MTHFD1L: variants seen among roughly 807,000 people sequenced by gnomAD.
MTHFD1L encodes methylenetetrahydrofolate dehydrogenase (NADP+ dependent) 1 like, also known as monofunctional C1-tetrahydrofolate synthase, mitochondrial.
In MTHFD1L, 81 loss-of-function variants were observed where a neutral mutation model predicts 119.5. The ratio of observed to expected loss-of-function variants is 0.68; its 90% CI spans 0.57 to 0.82. The LOEUF (loss-of-function observed/expected upper bound fraction) is 0.82. MTHFD1L is among the 40% of genes least tolerant of loss of function. MTHFD1L has a pLI of 0.00. For missense variants in MTHFD1L, 1,125 were observed against 1,253.4 expected, an observed-to-expected ratio of 0.90 and a Z score of 1.55; for synonymous variants, 430 against 475.2, an observed-to-expected ratio of 0.90 and a Z score of 1.24.
chr6:151,077,524 G>A (rs752089599), intron 26 of MTHFD1L, among the ~76,000 whole-genome samples: 18 of 152,168 alleles, frequency 1.2e-4, no homozygotes, highest in Non-Finnish European at 7.4e-5. Flanking sequence ...CAGCAAGGGG[G>A]ATGGTTTTTT....
At chr6:151,057,408 A>G (rs1412339102) in intron 26 of MTHFD1L, 1 of 922,390 alleles carries the variant, frequency 1.1e-6, no homozygotes, top group Admixed American at 6.2e-5. Context: ...TGGGAGGCTG[A>G]GGTGGGTGGA....
intron 11 of MTHFD1L, among the ~76,000 whole-genome samples, chr6:150,933,583 G>A (rs2128928946): frequency 6.6e-6 from 1 of 152,180 alleles, no homozygotes; most frequent in Admixed American, 6.5e-5. Flanking sequence ...TCTCCATGCA[G>A]CGGTGTCAGG....
chr6:150,965,462 C>G (rs1174311058), intron 19 of MTHFD1L, among the ~76,000 whole-genome samples: 1 of 151,930 alleles, frequency 6.6e-6, no homozygotes, highest in African/African-American at 2.4e-5. Context: ...AGTTCAAGAC[C>G]GGCCTGACCA....
At chr6:151,085,637 G>C (rs1016624899) in intron 26 of MTHFD1L, among the ~76,000 whole-genome samples, 1 of 152,160 alleles carries the variant, frequency 6.6e-6, no homozygotes, top group African/African-American at 2.4e-5. Flanking sequence ...TGGCCATGGT[G>C]GTGGGTGCCT....
chr6:150,874,361 C>G lies in MTHFD1L; in HGVS notation c.228-1729C>G, dbSNP rs186975261. On this transcript the variant is annotated intron_variant, in intron 1 of 27. Transcript: ENST00000367321. ...CCAGCTGGCAGTAGAAAGACTGGTC[C>G]TGGTTGTGAATCTGAGCAGCTCTCT... Among the ~76,000 whole-genome samples, 37 of 152,314 alleles carry G rather than the reference C, an allele frequency of 2.4e-4. No homozygotes were observed. The South Asian group carries it at 6.2e-3, about 26-fold the overall frequency.
intron 26 of MTHFD1L, among the ~76,000 whole-genome samples, chr6:151,055,282 T>G (rs1289612794): frequency 6.6e-6 from 1 of 151,566 alleles, no homozygotes; most frequent in African/African-American, 2.4e-5. Context: ...AAAAAAAACT[T>G]AACTAGAACA....
At chr6:150,970,237 G>C (rs1166618306) in intron 19 of MTHFD1L, among the ~76,000 whole-genome samples, 1 of 152,196 alleles carries the variant, frequency 6.6e-6, no homozygotes, top group Admixed American at 6.5e-5. Context: ...CTCCCCATCA[G>C]ACCCAGTGAA....
At chr6:151,046,015 C>A (rs1787953559) in intron 26 of MTHFD1L, among the ~76,000 whole-genome samples, 1 of 152,090 alleles carries the variant, frequency 6.6e-6, no homozygotes, top group Non-Finnish European at 1.5e-5. Context: ...AAGAAGAAAG[C>A]TTTGTGACTC....
intron 1 of MTHFD1L, among the ~76,000 whole-genome samples, chr6:150,874,072 C>A (rs929465022): frequency 3.9e-5 from 6 of 152,092 alleles, no homozygotes; most frequent in Non-Finnish European, 5.9e-5. Flanking sequence ...AAATAAGAAC[C>A]CAGCATAGCC....
At position 150,882,832 on chromosome 6, in the gene MTHFD1L, A is replaced by C; in HGVS notation, c.488A>C (p.Asn163Thr). ...VHGLALQISE[N>T]LFSNKVLNAL... Reference sequence around the variant, plus strand: ...GGCCTTGCCCTTCAGATCTCTGAGAACTTGTTTAGCAACAAAGTCCTCAAT... The same window carrying C: ...GGCCTTGCCCTTCAGATCTCTGAGACCTTGTTTAGCAACAAAGTCCTCAAT... Residue 163 changes from asparagine (N) to threonine (T), a missense_variant, in exon 5 of 28, where the codon AAC becomes ACC. Asn to Thr is a moderately conservative substitution (Grantham distance 65). This residue lies in a region of MTHFD1L where 1,058 missense variants were observed against 1,151.2 expected (regional missense o/e 0.92). Transcript: ENST00000367321. 6.3e-7 allele frequency: 1 copy of C among 1,580,020 alleles called. No individual in the cohort carries two copies. Among genetic ancestry groups the C allele is most frequent in the Non-Finnish European group, 8.5e-7 (1 of 1,169,802 alleles).
intron 4 of MTHFD1L, among the ~76,000 whole-genome samples, chr6:150,878,904 A>G (rs1274648943): frequency 6.6e-6 from 1 of 152,194 alleles, no homozygotes; most frequent in Non-Finnish European, 1.5e-5. Context: ...GGGCTCAGGT[A>G]AAGTTCGTTG....
chr6:150,913,310 G>A (rs566581533), intron 8 of MTHFD1L, among the ~76,000 whole-genome samples: 5 of 147,058 alleles, frequency 3.4e-5, no homozygotes, highest in African/African-American at 1.3e-4. Flanking sequence ...AAAGGCGCCC[G>A]CCACCACGCC....
chr6:150,887,646 G>A lies in MTHFD1L; in HGVS notation c.644-199G>A, dbSNP rs373117956. Among the ~76,000 whole-genome samples the A allele has an allele frequency of 1.1e-4, 17 of 152,186 alleles. 1 individual carries two copies. The South Asian group carries it at 1.2e-3, about 11-fold the overall frequency. On this transcript the variant is annotated intron_variant, in intron 6 of 27. Coordinates refer to ENST00000367321, the MANE Select transcript of MTHFD1L (RefSeq NM_015440.5). The stretch of plus-strand genomic sequence containing the variant: ...AATTTTCTATATTTTTAGTGGAGGC[G>A]GGGTTTTACCATGTTGGCCAGGCTG...
chr6:150,970,066 T>C (rs1481474776), intron 19 of MTHFD1L, among the ~76,000 whole-genome samples: 3 of 152,210 alleles, frequency 2.0e-5, no homozygotes, highest in African/African-American at 2.4e-5. Context: ...TGGTAGATTA[T>C]GCTTTCCCGC....
intron 7 of MTHFD1L, among the ~76,000 whole-genome samples, chr6:150,888,260 A>T (rs553834900): frequency 6.6e-6 from 1 of 152,342 alleles, no homozygotes; most frequent in African/African-American, 2.4e-5. Context: ...GGCCTAACAG[A>T]CTTTATGAGT....
intron 26 of MTHFD1L, among the ~76,000 whole-genome samples, chr6:151,072,937 A>T (rs923777162): frequency 1.3e-5 from 2 of 152,190 alleles, no homozygotes; most frequent in Non-Finnish European, 2.9e-5. Flanking sequence ...ACAAGTAAAA[A>T]ACTGGACAAA....
At chr6:151,086,414 C>T (rs1238168690) in intron 26 of MTHFD1L, among the ~76,000 whole-genome samples, 2 of 152,098 alleles carry the variant, frequency 1.3e-5, no homozygotes, top group African/African-American at 4.8e-5. Context: ...CAATTCCGTC[C>T]CTCACATCCA....
At chr6:150,913,634 A>G (rs1315088832) in intron 8 of MTHFD1L, among the ~76,000 whole-genome samples, 1 of 152,128 alleles carries the variant, frequency 6.6e-6, no homozygotes, top group East Asian at 1.9e-4. Flanking sequence ...TGAATTAGAA[A>G]ATCTGAGTGC....
intron 26 of MTHFD1L, among the ~76,000 whole-genome samples, chr6:151,072,813 A>G (rs1397890693): frequency 6.6e-6 from 1 of 151,344 alleles, no homozygotes; most frequent in African/African-American, 2.4e-5. Context: ...GTCTCAAAAA[A>G]TAAAAAGAGT....
Sources: allele counts gnomAD v4.1 joint callset (sites outside exome capture counted in the v4.1 genomes callset), GRCh38; gene constraint gnomAD v4.1.1; regional missense constraint gnomAD v4.1.1; transcripts MANE v1.5; gene names NCBI Gene and HGNC (gene_info 2026-07-23, HGNC 2026-07-21).